Variants in HIRA observed in about 807,000 individuals in gnomAD.
HIRA encodes histone cell cycle regulator, also known as protein HIRA.
HIRA carries 13 observed loss-of-function variants against 126.6 expected under a neutral mutation model. The observed-to-expected ratio is 0.10, with a 90% confidence interval of 0.07 to 0.16. The LOEUF (loss-of-function observed/expected upper bound fraction) is 0.16. HIRA is among the 10% of genes least tolerant of loss of function. HIRA has a pLI of 1.00. For synonymous variants in HIRA, 511 were observed against 520.0 expected (o/e 0.98, Z 0.24); for missense variants, 834 against 1,314.4 (o/e 0.63, Z 5.65).
intron 9 of HIRA, among the ~76,000 whole-genome samples, chr22:19,391,156 C>T (rs899191567): frequency 1.3e-5 from 2 of 151,928 alleles, no homozygotes; most frequent in African/African-American, 4.8e-5. Context: ...AATGCTACAC[C>T]GAAATTATAA....
intron 24 of HIRA, among the ~76,000 whole-genome samples, chr22:19,337,152 A>G (rs528806779): frequency 1.2e-3 from 182 of 151,854 alleles, no homozygotes; most frequent in African/African-American, 4.2e-3. Flanking sequence ...GCTGGAGTGC[A>G]GTGGCGTGAT....
At position 19,352,554 on chromosome 22, in the gene HIRA, T is replaced by TAC. The variant is rs369237055; in HGVS notation, c.2848+800_2848+801dup. ...ATTTGCTGTCGTTTACAAGTGTATG[T>TAC]ACACACACACACACATACACTCGTA... On this transcript the variant is annotated intron_variant, in intron 23 of 24. Transcript: ENST00000263208. Among the ~76,000 whole-genome samples the TAC allele has an allele frequency of 6.1e-3, 920 of 151,622 alleles. 14 individuals are homozygous for TAC. Among genetic ancestry groups the TAC allele is most frequent in the African/African-American group, 0.019 (785 of 41,418 alleles).
chr22:19,360,343 C>T (rs2088851826), intron 17 of HIRA, among the ~76,000 whole-genome samples: 1 of 152,180 alleles, frequency 6.6e-6, no homozygotes, highest in Admixed American at 6.5e-5. Flanking sequence ...GTCAGAACAC[C>T]TCTGAGTGCA....
At chr22:19,406,210 G>A (rs891923405) in intron 4 of HIRA, among the ~76,000 whole-genome samples, 9 of 152,128 alleles carry the variant, frequency 5.9e-5, no homozygotes, top group South Asian at 4.1e-4. Flanking sequence ...CATGGAAAAT[G>A]GATTAGAAGG....
intron 24 of HIRA, among the ~76,000 whole-genome samples, chr22:19,348,582 G>A (rs935812000): frequency 6.6e-6 from 1 of 151,208 alleles, no homozygotes; most frequent in Non-Finnish European, 1.5e-5. Context: ...TGCAACCTCC[G>A]CCTCCTGGGT....
Position 19,353,458 on chromosome 22 carries a change from G to C in HIRA, c.2746C>G (p.Leu916Val), listed in dbSNP as rs373078234. 19 of 1,612,896 alleles carry C rather than the reference G, an allele frequency of 1.2e-5. No individual in the cohort carries two copies. In the African/African-American group the frequency reaches 2.0e-4, roughly 17 times the overall value. ...GCCACCTGGTTCTCTAGGTAGGCCAGGGTGGTCTCTTGCTGCACCACATGA... is the reference window on the plus strand; with the variant it reads ...GCCACCTGGTTCTCTAGGTAGGCCACGGTGGTCTCTTGCTGCACCACATGA... ...VPHVVQQETT[L>V]AYLENQVAAA... Residue 916 changes from leucine to valine, a missense_variant, in exon 23 of 25, where the codon CTG (leucine) becomes GTG (valine). This residue lies in a region of HIRA where 468 missense variants were observed against 574.2 expected (regional missense o/e 0.82). Transcript: ENST00000263208.
chr22:19,373,658 TAC>T (rs2088988766), intron 15 of HIRA, among the ~76,000 whole-genome samples: 1 of 152,184 alleles, frequency 6.6e-6, no homozygotes, highest in South Asian at 2.1e-4. Context: ...GACCTGTGGT[TAC>T]ACAGTCTCAA....
intron 5 of HIRA, 48 bp downstream of exon 5, chr22:19,405,738 G>C (rs373100814): frequency 9.3e-6 from 12 of 1,292,294 alleles, no homozygotes; most frequent in Non-Finnish European, 1.2e-5. Flanking sequence ...CTGCTGATCT[G>C]AGCCAGGTGT....
intron 18 of HIRA, among the ~76,000 whole-genome samples, chr22:19,357,948 G>C (rs1022066815): frequency 7.9e-5 from 12 of 152,208 alleles, no homozygotes; most frequent in African/African-American, 2.9e-4. Context: ...GTATGAATCA[G>C]AGAACACTCT....
intron 14 of HIRA, among the ~76,000 whole-genome samples, chr22:19,376,015 C>T (rs2089015348): frequency 5.9e-5 from 9 of 152,154 alleles, no homozygotes; most frequent in Admixed American, 5.9e-4. Flanking sequence ...CACATTTCCC[C>T]CTTTGCACTG....
At chr22:19,421,996 T>C (rs563762024) in intron 1 of HIRA, among the ~76,000 whole-genome samples, 1 of 152,014 alleles carries the variant, frequency 6.6e-6, no homozygotes, top group Admixed American at 6.6e-5. Flanking sequence ...TCATACCCCA[T>C]ATTTGACCCT....
chr22:19,409,130 A>C (rs564271679), intron 2 of HIRA, among the ~76,000 whole-genome samples: 1 of 152,268 alleles, frequency 6.6e-6, no homozygotes, highest in Non-Finnish European at 1.5e-5. Context: ...ATGTACCCTG[A>C]ACACAGGAAA....
chr22:19,431,362 C>G (rs1017223965), intron 1 of HIRA, 78 bp downstream of exon 1: 40 of 1,513,694 alleles, frequency 2.6e-5, no homozygotes, highest in Non-Finnish European at 3.5e-5. Context: ...ACAGGCAGGA[C>G]TTGCGCGCGC....
rs2088837444 is a variant in HIRA at position 19,358,827 on chromosome 22, G to A, written c.2234+509C>T. Among the ~76,000 whole-genome samples the A allele has an allele frequency of 3.9e-5, 6 of 152,130 alleles. No individual in the cohort carries two copies. In the South Asian group the frequency reaches 1.2e-3, roughly 32 times the overall value. Reference sequence around the variant, plus strand: ...GAACACAGGTAGGGACAGGGCTCACGTACAGTTCTAGGAACCCAGGGGAAG... The same window carrying A: ...GAACACAGGTAGGGACAGGGCTCACATACAGTTCTAGGAACCCAGGGGAAG... On this transcript the variant is annotated intron_variant, in intron 18 of 24. Transcript: ENST00000263208.
rs1188788514 is a variant in HIRA, at chr22:19,359,928, G to C, written c.2086-444C>G. On this transcript the variant is annotated intron_variant, in intron 17 of 24. Coordinates refer to ENST00000263208, the MANE Select transcript of HIRA (RefSeq NM_003325.4). The stretch of plus-strand genomic sequence containing the variant: ...TTTGGCAAGATTAGAGACCATGTCA[G>C]TGCTTGGAGGGAATGTTTAGAAAAC... 2.0e-5 allele frequency among the ~76,000 whole-genome samples: 3 copies of C among 152,346 alleles called. No homozygotes were observed. In the East Asian group the frequency reaches 5.8e-4, roughly 29 times the overall value.
At chr22:19,385,022 G>C (rs2089113181) in intron 12 of HIRA, among the ~76,000 whole-genome samples, 1 of 152,038 alleles carries the variant, frequency 6.6e-6, no homozygotes, top group Non-Finnish European at 1.5e-5. Context: ...TGTAACTAGG[G>C]GTTTTCTCTC....
At chr22:19,334,525 G>A (rs1218866471) in intron 24 of HIRA, among the ~76,000 whole-genome samples, 2 of 151,154 alleles carry the variant, frequency 1.3e-5, no homozygotes, top group South Asian at 2.1e-4. Flanking sequence ...GGTGGCTCAC[G>A]CCTATAATCC....
chr22:19,332,777 G>GA (rs1176350205), intron 24 of HIRA, among the ~76,000 whole-genome samples: 1,024 of 87,646 alleles, frequency 0.012, 8 homozygotes, highest in African/African-American at 0.04. Flanking sequence ...CAGGGGAAAG[G>GA]AAAAAAAAAA....
chr22:19,331,606 G>C (rs1556004655), intron 24 of HIRA, 50 bp from the exon 25 acceptor site: 1 of 1,511,802 alleles, frequency 6.6e-7, no homozygotes, highest in East Asian at 2.3e-5. Context: ...AAGAGACCTA[G>C]ATTGTGGGGA....
Sources: allele counts gnomAD v4.1 joint callset (sites outside exome capture counted in the v4.1 genomes callset), GRCh38; gene constraint gnomAD v4.1.1; regional missense constraint gnomAD v4.1.1; transcripts MANE v1.5; gene names NCBI Gene and HGNC (gene_info 2026-07-23, HGNC 2026-07-21).